The following FHL5 variants were observed in gnomAD, a reference collection of about 807,000 sequenced individuals.
FHL5 encodes four and a half LIM domains 5.
A neutral mutation model predicts 32.0 loss-of-function variants in FHL5; 33 were observed. That is an observed-to-expected ratio of 1.03 (90% CI 0.78 to 1.38). The LOEUF is 1.38. FHL5 is among the 40% of genes most tolerant of loss of function. The probability of loss-of-function intolerance (pLI) is 0.00; values close to 1 mark genes in which losing one functional copy is unlikely to be tolerated. For missense variants in FHL5, 336 were observed against 343.9 expected, an observed-to-expected ratio of 0.98 and a Z score of 0.18; for synonymous variants, 114 against 113.6, an observed-to-expected ratio of 1.00 and a Z score of -0.02.
intron 3 of FHL5, 141 bp from the exon 4 acceptor site, chr6:96,605,761 C>A: frequency 1.4e-6 from 1 of 716,672 alleles, no homozygotes; most frequent in Non-Finnish European, 2.2e-6. Context: ...TTTTTTGAAC[C>A]TGAAAAAATA....
chr6:96,573,217 T>G (rs72932894), intron 1 of FHL5, among the ~76,000 whole-genome samples: 5,038 of 152,298 alleles, frequency 0.033, 150 homozygotes, highest in South Asian at 0.14. Context: ...TGAAACTCTC[T>G]ATTGTGCTAA....
intron 1 of FHL5, among the ~76,000 whole-genome samples, chr6:96,573,679 G>A (rs748195474): frequency 2.0e-5 from 3 of 151,286 alleles, no homozygotes; most frequent in African/African-American, 4.9e-5. Context: ...CCGCCAACAC[G>A]CCCAGCTAAC....
At chr6:96,567,594 AC>A (rs756143544) in intron 1 of FHL5, among the ~76,000 whole-genome samples, 1 of 151,794 alleles carries the variant, frequency 6.6e-6, no homozygotes, top group Non-Finnish European at 1.5e-5. Flanking sequence ...ATTAATTTTT[AC>A]AATATTAATG....
At chr6:96,588,905 A>G (rs1770857485) in intron 1 of FHL5, among the ~76,000 whole-genome samples, 1 of 151,766 alleles carries the variant, frequency 6.6e-6, no homozygotes, top group African/African-American at 2.4e-5. Context: ...CAACCTTTTC[A>G]TTTACAGTTT....
chr6:96,611,210 A>G (rs1025671656), intron 5 of FHL5, among the ~76,000 whole-genome samples: 2 of 152,220 alleles, frequency 1.3e-5, no homozygotes, highest in Non-Finnish European at 2.9e-5. Flanking sequence ...TGTATAGAAC[A>G]TCTGAAGCTG....
In FHL5 at chr6:96,615,846, T is replaced by C; in HGVS notation, c.*74T>C. The C allele has an allele frequency of 7.7e-7, 1 of 1,290,998 alleles. No homozygotes were observed. The highest frequency in any genetic ancestry group is 1.1e-6 in the Non-Finnish European group (1 of 948,600). 80.0% of individuals were successfully genotyped at this position (1,290,998 alleles called of 1,614,324 possible). A position where few individuals can be genotyped will look rare whatever the true frequency, so the allele number is the denominator to read the frequency against. ...AAGCCAGAACTCAGTTGCGGTCTTA[T>C]TTTTGACTTAAGTTTTAGAAAATAT... is the stretch of plus-strand genomic sequence containing the variant. On this transcript the variant is annotated 3_prime_UTR_variant, in exon 6 of 6. Coordinates refer to ENST00000450218, the MANE Select transcript of FHL5 (RefSeq NM_001322466.2).
intron 1 of FHL5, among the ~76,000 whole-genome samples, chr6:96,581,471 C>T (rs1770695318): frequency 1.3e-5 from 2 of 152,174 alleles, no homozygotes; most frequent in East Asian, 3.8e-4. Flanking sequence ...CACCTAAATA[C>T]CTGGCCCTGT....
At chr6:96,604,138 G>T (rs1771217552) in intron 2 of FHL5, among the ~76,000 whole-genome samples, 1 of 151,998 alleles carries the variant, frequency 6.6e-6, no homozygotes, top group Non-Finnish European at 1.5e-5. Context: ...AAGAATTGAA[G>T]TTGAAAGGAT....
chr6:96,591,488 C>T (rs969423276), intron 1 of FHL5, among the ~76,000 whole-genome samples: 11 of 152,104 alleles, frequency 7.2e-5, no homozygotes, highest in East Asian at 1.9e-4. Context: ...ATTATTTTAA[C>T]GTGGGTGGAT....
chr6:96,568,320 C>T (rs1408604970), intron 1 of FHL5, among the ~76,000 whole-genome samples: 2 of 151,814 alleles, frequency 1.3e-5, no homozygotes, highest in East Asian at 3.9e-4. Context: ...ATCTTACCTA[C>T]ATGGTGAATA....
intron 1 of FHL5, among the ~76,000 whole-genome samples, chr6:96,574,075 T>C (rs1770537908): frequency 6.6e-6 from 1 of 152,182 alleles, no homozygotes; most frequent in Non-Finnish European, 1.5e-5. Context: ...CTGATTATTC[T>C]ATTTCACACT....
At chr6:96,591,368 G>A (rs1230799036) in intron 1 of FHL5, among the ~76,000 whole-genome samples, 2 of 151,962 alleles carry the variant, frequency 1.3e-5, no homozygotes, top group Non-Finnish European at 2.9e-5. Flanking sequence ...GTTGTACATA[G>A]TCAGATTTAC....
intron 1 of FHL5, among the ~76,000 whole-genome samples, chr6:96,581,913 A>T (rs1770704263): frequency 6.6e-6 from 1 of 152,184 alleles, no homozygotes; most frequent in Non-Finnish European, 1.5e-5. Context: ...CCATCTACAG[A>T]CTCAATCTCC....
intron 1 of FHL5, among the ~76,000 whole-genome samples, chr6:96,565,230 A>G (rs552134251): frequency 1.3e-5 from 2 of 152,186 alleles, no homozygotes; most frequent in Non-Finnish European, 2.9e-5. Context: ...TGATTAGAAC[A>G]TACTAGGATA....
At position 96,610,897 on chromosome 6, in the gene FHL5, G is replaced by A. The variant is rs1014075493; in HGVS notation, c.691+139G>A. On this transcript the variant is annotated intron_variant, in intron 5 of 5. Coordinates refer to ENST00000450218, the MANE Select transcript of FHL5 (RefSeq NM_001322466.2). ...CCTTTTGAGATAAACACAAGTGGGT[G>A]CATATATATGAGTATAAATATTACA... is the stretch of plus-strand genomic sequence containing the variant. 10 of 620,106 alleles carry A rather than the reference G, an allele frequency of 1.6e-5. No homozygotes were observed. The African/African-American group carries it at 1.8e-4, about 11-fold the overall frequency. 38.4% of individuals were successfully genotyped at this position (620,106 alleles called of 1,614,324 possible). A position where few individuals can be genotyped will look rare whatever the true frequency, so the allele number is the denominator to read the frequency against.
chr6:96,597,440 A>G (rs1440187596), intron 1 of FHL5, among the ~76,000 whole-genome samples: 7 of 152,132 alleles, frequency 4.6e-5, no homozygotes, highest in African/African-American at 1.4e-4. Context: ...TGAGTTTCGA[A>G]TTGATTTCCT....
intron 1 of FHL5, among the ~76,000 whole-genome samples, chr6:96,595,627 C>T (rs7767682): frequency 0.029 from 4,381 of 151,748 alleles, 183 homozygotes; most frequent in African/African-American, 0.1. Flanking sequence ...TTTTCTATCT[C>T]TTTTTCTTTC....
intron 1 of FHL5, among the ~76,000 whole-genome samples, chr6:96,601,244 G>C (rs2127971269): frequency 6.6e-6 from 1 of 152,284 alleles, no homozygotes; most frequent in Middle Eastern, 3.4e-3. Flanking sequence ...TGAGGCAGGA[G>C]AATGGCTTGA....
intron 1 of FHL5, among the ~76,000 whole-genome samples, chr6:96,572,129 T>A (rs1248687756): frequency 1.3e-5 from 2 of 152,106 alleles, no homozygotes; most frequent in African/African-American, 4.8e-5. Context: ...GAGCACTAAT[T>A]CCCCAAGGGA....
Sources: gnomAD v4.1 joint callset for allele counts (sites outside exome capture counted in the v4.1 genomes callset) on GRCh38, gnomAD v4.1.1 for gene constraint, MANE v1.5 for transcripts, NCBI Gene and HGNC (gene_info 2026-07-23, HGNC 2026-07-21) for gene names.